The following STARD13 variants were observed in gnomAD, a reference collection of about 807,000 sequenced individuals.
STARD13 encodes the protein stAR-related lipid transfer protein 13.
Under a neutral mutation model 106.4 loss-of-function variants are expected in STARD13, and 62 were observed. The ratio of observed to expected loss-of-function variants is 0.58; its 90% CI spans 0.48 to 0.72. The LOEUF (loss-of-function observed/expected upper bound fraction) is 0.72. Among genes scored for constraint, STARD13 ranks in the 30% least tolerant of loss-of-function variants. The pLI is 0.00. For synonymous variants in STARD13, 565 were observed against 553.0 expected (o/e 1.02, Z -0.31); for missense variants, 1,387 against 1,424.0 (o/e 0.97, Z 0.42).
chr13:33,488,254 G>T, the STARD13 span, among the ~76,000 whole-genome samples: 44 of 152,272 alleles, frequency 2.9e-4, no homozygotes, highest in Non-Finnish European at 5.1e-4. Flanking sequence ...TTCCGGAGCT[G>T]CATCCAGAGG....
chr13:33,290,112 A>G (rs567107344), upstream of STARD13, among the ~76,000 whole-genome samples: 16 of 152,286 alleles, frequency 1.1e-4, no homozygotes, highest in African/African-American at 3.8e-4. Context: ...GGAATCTTGT[A>G]TACACAGGGC....
chr13:33,671,646 C>T, the STARD13 span, among the ~76,000 whole-genome samples: 1 of 152,122 alleles, frequency 6.6e-6, no homozygotes, highest in Non-Finnish European at 1.5e-5. Context: ...AAGATGATCC[C>T]TTGAATCTAG....
At chr13:33,166,228 G>A (rs530157931) in intron 2 of STARD13, among the ~76,000 whole-genome samples, 1 of 151,958 alleles carries the variant, frequency 6.6e-6, no homozygotes, top group Non-Finnish European at 1.5e-5. Flanking sequence ...TTCCCCTTCT[G>A]GTGAAAAAAA....
chr13:33,386,289 A>G, the STARD13 span, among the ~76,000 whole-genome samples: 1 of 152,282 alleles, frequency 6.6e-6, no homozygotes, highest in Admixed American at 6.5e-5. Flanking sequence ...TCCAAGATTC[A>G]AGGTTTTCTT....
chr13:33,610,380 T>C, the STARD13 span, among the ~76,000 whole-genome samples: 2 of 152,248 alleles, frequency 1.3e-5, no homozygotes, highest in Non-Finnish European at 2.9e-5. Context: ...ATATATTTGT[T>C]ACTTTTATTG....
At chr13:33,214,006 T>C (rs1887879493) in intron 1 of STARD13, among the ~76,000 whole-genome samples, 1 of 152,188 alleles carries the variant, frequency 6.6e-6, no homozygotes, top group Admixed American at 6.5e-5. Context: ...CTTCCACTAT[T>C]TTGAAGATTA....
the STARD13 span, among the ~76,000 whole-genome samples, chr13:33,645,959 G>A: frequency 6.6e-6 from 1 of 151,864 alleles, no homozygotes; most frequent in Non-Finnish European, 1.5e-5. Context: ...ATTTTAGCTG[G>A]AGAATATTAC....
At chr13:33,358,131 G>T in the STARD13 span, among the ~76,000 whole-genome samples, 2 of 152,254 alleles carry the variant, frequency 1.3e-5, no homozygotes, top group African/African-American at 4.8e-5. Flanking sequence ...CGGGCCAGTG[G>T]CTGCGGAGGG....
At chr13:33,439,511 T>A in the STARD13 span, among the ~76,000 whole-genome samples, 2 of 152,240 alleles carry the variant, frequency 1.3e-5, no homozygotes, top group Admixed American at 6.5e-5. Context: ...GAAAACCCAA[T>A]GAACTTTTCC....
At chr13:33,259,735 C>G (rs748448928) in intron 1 of STARD13, among the ~76,000 whole-genome samples, 2 of 152,122 alleles carry the variant, frequency 1.3e-5, no homozygotes, top group African/African-American at 2.4e-5. Flanking sequence ...GAACTGAAAG[C>G]AAATTAAAAG....
chr13:33,627,951 T>C, the STARD13 span, among the ~76,000 whole-genome samples: 3 of 150,922 alleles, frequency 2.0e-5, no homozygotes, highest in Non-Finnish European at 4.4e-5. Flanking sequence ...AATTTTAGGC[T>C]ATTTCTTTTT....
At chr13:33,305,411 G>C (rs913793056) in intron 1 of STARD13, among the ~76,000 whole-genome samples, 1 of 152,150 alleles carries the variant, frequency 6.6e-6, no homozygotes, top group Non-Finnish European at 1.5e-5. Flanking sequence ...TGTCCTCCAC[G>C]GTAACTAGCA....
the STARD13 span, among the ~76,000 whole-genome samples, chr13:33,455,435 A>G: frequency 6.6e-6 from 1 of 152,194 alleles, no homozygotes; most frequent in Non-Finnish European, 1.5e-5. Context: ...TACACCCAGA[A>G]GTGAAGCCAG....
chr13:33,444,572 C>T, the STARD13 span, among the ~76,000 whole-genome samples: 1 of 151,994 alleles, frequency 6.6e-6, no homozygotes, highest in Admixed American at 6.6e-5. Context: ...TTGAGATCAG[C>T]CTGGGAAACA....
At chr13:33,167,021 A>AAAAAAC in intron 2 of STARD13, among the ~76,000 whole-genome samples, 1 of 151,982 alleles carries the variant, frequency 6.6e-6, no homozygotes, top group African/African-American at 2.4e-5. Context: ...AAACCAAAAA[A>AAAAAAC]AAATCAATGA....
At chr13:33,524,859 G>A in the STARD13 span, among the ~76,000 whole-genome samples, 1 of 151,842 alleles carries the variant, frequency 6.6e-6, no homozygotes, top group African/African-American at 2.4e-5. Flanking sequence ...TGTGCGGTGG[G>A]ACCACTTAAA....
the STARD13 span, among the ~76,000 whole-genome samples, chr13:33,419,347 A>T: frequency 5.9e-5 from 9 of 152,324 alleles, no homozygotes; most frequent in African/African-American, 2.2e-4. Flanking sequence ...CGATTCAATC[A>T]AGTGGAAGAA....
At chr13:33,385,563 C>A in the STARD13 span, among the ~76,000 whole-genome samples, 2 of 149,312 alleles carry the variant, frequency 1.3e-5, no homozygotes, top group African/African-American at 4.9e-5. Flanking sequence ...TAACTAGATT[C>A]TAAAAGCTTA....
chr13:33,253,150 T>C (rs917795711), intron 1 of STARD13, among the ~76,000 whole-genome samples: 3 of 152,184 alleles, frequency 2.0e-5, no homozygotes, highest in Non-Finnish European at 2.9e-5. Context: ...CCTACCATCA[T>C]TGTAGTCCTG....
Sources: gnomAD v4.1 joint callset for allele counts (sites outside exome capture counted in the v4.1 genomes callset) on GRCh38, gnomAD v4.1.1 for gene constraint, MANE v1.5 for transcripts, NCBI Gene and HGNC (gene_info 2026-07-23, HGNC 2026-07-21) for gene names.